The following LARGE1 variants were observed in gnomAD, a reference collection of about 807,000 sequenced individuals.
LARGE1 encodes xylosyl- and glucuronyltransferase LARGE1.
Under a neutral mutation model 87.6 loss-of-function variants are expected in LARGE1, and 43 were observed. The observed-to-expected ratio is 0.49, with a 90% CI of 0.38 to 0.63. LARGE1 has a LOEUF of 0.63. LARGE1 is among the 30% of genes least tolerant of loss of function. The pLI is 0.00. For synonymous variants in LARGE1, 434 were observed against 394.6 expected (o/e 1.10, Z -1.18); for missense variants, 802 against 1,000.2 (o/e 0.80, Z 2.67).
chr22:33,195,587 A>C (rs1191614543), intron 11 of LARGE1, among the ~76,000 whole-genome samples: 1 of 152,000 alleles, frequency 6.6e-6, no homozygotes, highest in African/African-American at 2.4e-5. Flanking sequence ...GTATGGGTCA[A>C]AGAAGAAATC....
intron 2 of LARGE1, among the ~76,000 whole-genome samples, chr22:33,661,854 G>C (rs1408985700): frequency 6.6e-6 from 1 of 151,918 alleles, no homozygotes; most frequent in Non-Finnish European, 1.5e-5. Context: ...GGAGGGAGGG[G>C]GACTACCAGA....
intron 9 of LARGE1, among the ~76,000 whole-genome samples, chr22:33,358,298 A>G (rs1189356225): frequency 3.8e-5 from 1 of 26,218 alleles, no homozygotes; most frequent in Non-Finnish European, 1.1e-4. Context: ...CCCAAAACCA[A>G]CTGTTTTTTT....
intron 11 of LARGE1, among the ~76,000 whole-genome samples, chr22:33,241,530 G>A (rs1331140607): frequency 2.0e-5 from 3 of 151,310 alleles, no homozygotes; most frequent in Non-Finnish European, 4.4e-5. Context: ...TTATATATAT[G>A]TACATATATG....
the LARGE1 span, among the ~76,000 whole-genome samples, chr22:33,139,969 G>T: frequency 6.6e-6 from 1 of 152,186 alleles, no homozygotes; most frequent in Admixed American, 6.5e-5. Flanking sequence ...TTATGATCAG[G>T]AAACTGGGCT....
chr22:33,362,048 C>T (rs2064407682), intron 9 of LARGE1, among the ~76,000 whole-genome samples: 1 of 149,462 alleles, frequency 6.7e-6, no homozygotes, highest in Non-Finnish European at 1.5e-5. Flanking sequence ...AGAATTCTCT[C>T]ATGCTCCTTT....
At chr22:33,742,047 A>G (rs372029293) in intron 2 of LARGE1, among the ~76,000 whole-genome samples, 1 of 152,172 alleles carries the variant, frequency 6.6e-6, no homozygotes, top group Non-Finnish European at 1.5e-5. Flanking sequence ...GTTTGCTCAT[A>G]TGTAAGATGG....
chr22:33,318,406 C>G (rs1936390067), intron 10 of LARGE1, among the ~76,000 whole-genome samples: 1 of 152,094 alleles, frequency 6.6e-6, no homozygotes, highest in African/African-American at 2.4e-5. Context: ...TGATGGTTTC[C>G]AGCTTCACCC....
intron 1 of LARGE1, among the ~76,000 whole-genome samples, chr22:33,773,667 A>C (rs2145834376): frequency 6.6e-6 from 1 of 152,314 alleles, no homozygotes; most frequent in Non-Finnish European, 1.5e-5. Context: ...GGAGTCAGGA[A>C]ACCTGGCCTC....
chr22:33,701,017 G>A (rs1237491307), intron 2 of LARGE1, among the ~76,000 whole-genome samples: 2 of 152,146 alleles, frequency 1.3e-5, no homozygotes, highest in Admixed American at 1.3e-4. Context: ...GATTTCCTGG[G>A]ATCTTGTTAA....
chr22:33,549,652 G>A (rs2077466594), intron 6 of LARGE1, among the ~76,000 whole-genome samples: 1 of 152,166 alleles, frequency 6.6e-6, no homozygotes, highest in South Asian at 2.1e-4. Flanking sequence ...GGCTAGTGTG[G>A]ATTACAAATA....
At chr22:33,771,402 T>C (rs756393747) in intron 1 of LARGE1, among the ~76,000 whole-genome samples, 1 of 152,180 alleles carries the variant, frequency 6.6e-6, no homozygotes, top group Non-Finnish European at 1.5e-5. Flanking sequence ...GGCAGATATG[T>C]TTCAGTTAAT....
intron 6 of LARGE1, among the ~76,000 whole-genome samples, chr22:33,507,706 A>T (rs571331287): frequency 6.6e-6 from 1 of 152,334 alleles, no homozygotes; most frequent in South Asian, 2.1e-4. Flanking sequence ...TTACAATGGT[A>T]AAATTTTGTT....
chr22:33,892,837 T>A (rs1021746261), intron 1 of LARGE1, among the ~76,000 whole-genome samples: 3 of 152,228 alleles, frequency 2.0e-5, no homozygotes, highest in African/African-American at 7.2e-5. Flanking sequence ...TTTTCATGGA[T>A]CTCTGATTGT....
At chr22:33,128,312 T>C in the LARGE1 span, among the ~76,000 whole-genome samples, 1 of 152,184 alleles carries the variant, frequency 6.6e-6, no homozygotes, top group South Asian at 2.1e-4. Flanking sequence ...GTATGTTCCT[T>C]GTAGCACTAT....
At chr22:33,406,226 G>A (rs936427646) in intron 7 of LARGE1, among the ~76,000 whole-genome samples, 2 of 151,988 alleles carry the variant, frequency 1.3e-5, no homozygotes, top group Non-Finnish European at 1.5e-5. Context: ...TCTTCCCGCC[G>A]TGTATACCCA....
rs779516752 is a variant in LARGE1, at chr22:33,553,889, C to T, written c.787+10959G>A. Among the ~76,000 whole-genome samples, 6 of 152,238 alleles carry T rather than the reference C, an allele frequency of 3.9e-5. No homozygotes were observed. The East Asian group carries it at 7.7e-4, about 20-fold the overall frequency. ...CTAAAAGGGTCCTCCAGCTCACCTC[C>T]GTGAGAGTCTGAGCCCTGTGTGTCT... is the stretch of plus-strand genomic sequence containing the variant. On this transcript the variant is annotated intron_variant, in intron 6 of 14. Coordinates refer to ENST00000397394, the MANE Select transcript of LARGE1 (RefSeq NM_133642.5).
At chr22:33,181,158 A>G (rs1341342963) in intron 11 of LARGE1, among the ~76,000 whole-genome samples, 3 of 152,206 alleles carry the variant, frequency 2.0e-5, no homozygotes, top group Admixed American at 6.5e-5. Flanking sequence ...GTTTTTCTTT[A>G]CAGTAGAATG....
intron 7 of LARGE1, among the ~76,000 whole-genome samples, chr22:33,419,068 A>G (rs910114361): frequency 3.9e-5 from 6 of 152,086 alleles, no homozygotes; most frequent in African/African-American, 1.4e-4. Flanking sequence ...GCAGTTCCGC[A>G]TGGCTGGGGA....
intron 6 of LARGE1, among the ~76,000 whole-genome samples, chr22:33,546,749 A>G (rs926939474): frequency 2.0e-5 from 3 of 152,046 alleles, no homozygotes; most frequent in Non-Finnish European, 2.9e-5. Flanking sequence ...ATATCTGACT[A>G]ATTTTTGTAT....
Sources: gnomAD v4.1 joint callset for allele counts (sites outside exome capture counted in the v4.1 genomes callset) on GRCh38, gnomAD v4.1.1 for gene constraint, MANE v1.5 for transcripts, NCBI Gene and HGNC (gene_info 2026-07-23, HGNC 2026-07-21) for gene names.